Variants in NLRC5 observed in about 807,000 individuals in gnomAD.
NLRC5 encodes protein NLRC5.
NLRC5 carries 114 observed loss-of-function variants against 206.9 expected under a neutral mutation model. The observed-to-expected ratio is 0.55, with a 90% CI of 0.47 to 0.64. NLRC5 has a LOEUF of 0.64. Among genes scored for constraint, NLRC5 ranks in the 30% least tolerant of loss-of-function variants. The pLI is 0.00. For synonymous variants in NLRC5, 952 were observed against 962.8 expected (o/e 0.99, Z 0.21); for missense variants, 2,008 against 2,305.5 (o/e 0.87, Z 2.64).
rs184695339 is a variant in NLRC5 at position 57,049,318 on chromosome 16, A to G, written c.3422+1690A>G. Among the ~76,000 whole-genome samples, 30 of 152,320 alleles carry G rather than the reference A, an allele frequency of 2.0e-4. No homozygotes were observed. The East Asian group carries it at 2.5e-3, about 13-fold the overall frequency. ...AGTCAGTGCTACAAAAAGCACTCTT[A>G]CGTGATTTGACTGTTAAGTACCTAT... On this transcript the variant is annotated intron_variant, in intron 23 of 48. Coordinates refer to ENST00000688547, the MANE Select transcript of NLRC5 (RefSeq NM_001384950.1).
intron 21 of NLRC5, among the ~76,000 whole-genome samples, chr16:57,045,900 A>T (rs1255448197): frequency 6.6e-6 from 1 of 152,236 alleles, no homozygotes; most frequent in Admixed American, 6.5e-5. Flanking sequence ...GGTGCTCTGA[A>T]AAAACATTTT....
At chr16:57,001,519 G>A (rs1424287367) in intron 1 of NLRC5, among the ~76,000 whole-genome samples, 1 of 152,220 alleles carries the variant, frequency 6.6e-6, no homozygotes, top group Non-Finnish European at 1.5e-5. Context: ...CCAGGCGTCA[G>A]GGGCTGGAGA....
At position 57,055,478 on chromosome 16, in the gene NLRC5, CTGCTGGT is replaced by C; in HGVS notation, c.3711_3717del (p.Trp1237Ter). On this transcript the variant is annotated frameshift_variant, in exon 27 of 49. Transcript: ENST00000688547. LOFTEE classifies it high-confidence loss of function. ...TCAGCCAGGAGCACGTAGAGTCACT[CTGCTGGT>C]TGCTGAGCAAGTGTAAAGACCTCAG... 1 of 1,613,926 alleles carries C rather than the reference CTGCTGGT, an allele frequency of 6.2e-7. No individual in the cohort carries two copies. The highest frequency in any genetic ancestry group is 8.5e-7 in the Non-Finnish European group (1 of 1,179,902).
chr16:57,058,685 T>C (rs920456213), intron 28 of NLRC5, among the ~76,000 whole-genome samples: 57 of 152,308 alleles, frequency 3.7e-4, no homozygotes, highest in African/African-American at 1.3e-3. Flanking sequence ...CCTTGACCCA[T>C]GCGGGGCTAG....
chr16:57,023,686 G>C (rs753064547), intron 4 of NLRC5, 99 bp from the exon 5 acceptor site: 1 of 984,416 alleles, frequency 1.0e-6, no homozygotes, highest in South Asian at 1.5e-5. Context: ...TTGGCTGCCT[G>C]CCACCTGTCT....
rs1217977311 is a variant in NLRC5 at position 57,058,936 on chromosome 16, C to T, written c.3831-36C>T. ...TGGGCAGGGCTCCAAGGAGGTCCTG[C>T]CCTCACTCCCATTCTCATCTCCATT... On this transcript the variant is annotated intron_variant, in intron 28 of 48. Coordinates refer to ENST00000688547, the MANE Select transcript of NLRC5 (RefSeq NM_001384950.1). The T allele has an allele frequency of 1.9e-6, 3 of 1,577,246 alleles. No individual in the cohort carries two copies. The South Asian group carries it at 3.3e-5, about 17-fold the overall frequency.
chr16:57,047,864 C>T (rs1164863443), intron 23 of NLRC5: 2 of 563,434 alleles, frequency 3.5e-6, no homozygotes, highest in Non-Finnish European at 6.4e-6. Flanking sequence ...GAAGCCTTCA[C>T]CTGCACCATC....
Position 57,040,842 on chromosome 16 carries a change from C to T in NLRC5, c.2939+124C>T, listed in dbSNP as rs1597314100. 1.3e-5 allele frequency: 12 copies of T among 914,128 alleles called. 1 individual carries two copies. The East Asian group carries it at 2.6e-4, about 20-fold the overall frequency. 56.6% of individuals were successfully genotyped at this position (914,128 alleles called of 1,614,324 possible). Reference sequence around the variant, plus strand: ...CTGAAGGACACCTGACCTGCTGTGTCCAGGGGTCATGGCCTGGCTTCCCTA... The same window carrying T: ...CTGAAGGACACCTGACCTGCTGTGTTCAGGGGTCATGGCCTGGCTTCCCTA... On this transcript the variant is annotated intron_variant, in intron 17 of 48. Transcript: ENST00000688547.
chr16:57,003,646 C>T (rs1226003973), intron 1 of NLRC5, among the ~76,000 whole-genome samples: 1 of 152,182 alleles, frequency 6.6e-6, no homozygotes, highest in Non-Finnish European at 1.5e-5. Context: ...CCACCCAGAC[C>T]CCTTGCACAT....
intron 14 of NLRC5, among the ~76,000 whole-genome samples, chr16:57,036,771 T>G (rs2062636801): frequency 6.6e-6 from 1 of 152,062 alleles, no homozygotes; most frequent in Non-Finnish European, 1.5e-5. Flanking sequence ...ATCTTCGCTC[T>G]GTCACTTAGT....
chr16:56,993,198 C>T (rs1258891325), intron 1 of NLRC5, among the ~76,000 whole-genome samples: 2 of 137,928 alleles, frequency 1.5e-5, no homozygotes, highest in Non-Finnish European at 3.2e-5. Context: ...CTTTTCCCTT[C>T]TCACAAATGG....
chr16:57,022,333 G>C lies in NLRC5; in HGVS notation c.355+18G>C, dbSNP rs200253772. The C allele has an allele frequency of 4.1e-4, 661 of 1,602,268 alleles. No individual in the cohort carries two copies. The highest frequency in any genetic ancestry group is 5.3e-4 in the Non-Finnish European group (619 of 1,170,428). ...CCACCATGGTGAGGACTGGAGTTGG[G>C]GGGTGGGAAGGGGGTGGTGAGCACT... On this transcript the variant is annotated intron_variant, in intron 4 of 48. Transcript: ENST00000688547.
rs1384995160 is a variant in NLRC5 at position 57,026,785 on chromosome 16, G to GCTGTGTCA, written c.1849_1856dup (p.Asp620ThrfsTer30). The GCTGTGTCA allele has an allele frequency of 1.2e-6, 2 of 1,614,050 alleles. No homozygotes were observed. The highest frequency in any genetic ancestry group is 1.7e-6 in the Non-Finnish European group (2 of 1,180,014). On this transcript the variant is annotated frameshift_variant, in exon 6 of 49. Transcript: ENST00000688547. LOFTEE classifies it high-confidence loss of function. ...AGCTCACAGGGCCAAAGGTTGTAGA[G>GCTGTGTCA]CTGTGTCACTGTGTGGATGAGACAC... is the stretch of plus-strand genomic sequence containing the variant.
At chr16:57,071,738 G>A (rs112780787) in intron 38 of NLRC5, among the ~76,000 whole-genome samples, 3,973 of 141,814 alleles carry the variant, frequency 0.028, 209 homozygotes, top group African/African-American at 0.1. Flanking sequence ...GGGTGAGTAA[G>A]GGGTGGGGGT....
chr16:57,046,113 CA>C (rs2063933038), intron 21 of NLRC5, among the ~76,000 whole-genome samples: 1 of 152,160 alleles, frequency 6.6e-6, no homozygotes, highest in South Asian at 2.1e-4. Flanking sequence ...TGTCAGGAGT[CA>C]GGGGTGGCTC....
At chr16:57,057,028 T>C (rs1365645797) in intron 27 of NLRC5, among the ~76,000 whole-genome samples, 2 of 152,218 alleles carry the variant, frequency 1.3e-5, no homozygotes, top group African/African-American at 4.8e-5. Flanking sequence ...AAATGACGTT[T>C]CTCAGGAAAA....
intron 38 of NLRC5, among the ~76,000 whole-genome samples, chr16:57,073,362 A>G (rs1258721468): frequency 1.3e-5 from 2 of 152,012 alleles, no homozygotes; most frequent in African/African-American, 4.8e-5. Context: ...ACAGGCAGTT[A>G]CCCTCAAATC....
At chr16:57,066,893 C>A (rs1052242871) in intron 34 of NLRC5, among the ~76,000 whole-genome samples, 2 of 152,196 alleles carry the variant, frequency 1.3e-5, no homozygotes, top group Admixed American at 6.5e-5. Context: ...CCAGAATGTT[C>A]TCTTCACGCC....
chr16:57,074,145 TG>T (rs1388105532), intron 38 of NLRC5: 2 of 161,560 alleles, frequency 1.2e-5, no homozygotes, highest in East Asian at 1.7e-4. Flanking sequence ...CACATATGGT[TG>T]GGGCTCAGGA....
Sources: gnomAD v4.1 joint callset for allele counts (sites outside exome capture counted in the v4.1 genomes callset) on GRCh38, gnomAD v4.1.1 for gene constraint, MANE v1.5 for transcripts, NCBI Gene and HGNC (gene_info 2026-07-23, HGNC 2026-07-21) for gene names.